The following ZMIZ1 variants were observed in gnomAD, a reference collection of about 807,000 sequenced individuals.
ZMIZ1 encodes zinc finger MIZ domain-containing protein 1.
ZMIZ1 carries 17 observed loss-of-function variants against 113.9 expected under a neutral mutation model. The ratio of observed to expected loss-of-function variants is 0.15; its 90% confidence interval spans 0.10 to 0.22. The LOEUF (loss-of-function observed/expected upper bound fraction) is 0.22. Among genes scored for constraint, ZMIZ1 ranks in the 10% least tolerant of loss-of-function variants. The pLI, the probability that ZMIZ1 is intolerant of heterozygous loss-of-function variation, is 1.00. For synonymous variants in ZMIZ1, 607 were observed against 603.1 expected (o/e 1.01, Z -0.09); for missense variants, 1,059 against 1,477.8 (o/e 0.72, Z 4.65).
At chr10:79,117,952 TC>T (rs1364482748) in intron 1 of ZMIZ1, among the ~76,000 whole-genome samples, 1 of 152,196 alleles carries the variant, frequency 6.6e-6, no homozygotes, top group Non-Finnish European at 1.5e-5. Flanking sequence ...CTTCTCCTTT[TC>T]CCAGCAGCTG....
chr10:79,289,966 C>T, intron 9 of ZMIZ1, 77 bp downstream of exon 9: 1 of 1,395,188 alleles, frequency 7.2e-7, no homozygotes. Context: ...CATACCAGCC[C>T]TCTTCACCCT....
chr10:79,306,143 C>A lies in ZMIZ1; in HGVS notation c.2467C>A (p.Arg823=). 6.2e-7 allele frequency: 1 copy of A among 1,613,884 alleles called. No individual in the cohort carries two copies. Among genetic ancestry groups the A allele is most frequent in the Non-Finnish European group, 8.5e-7 (1 of 1,180,008 alleles). ...CACCATCGATCCCACGTGCAGCTGG[C>A]GGCCGGTGCCCATCAAGTCGGACTT... ...EVTIDPTCSW[R]PVPIKSDLHI... The change falls in exon 22 of 25, where the codon CGG becomes AGG. Residue 823 remains arginine (R), a synonymous_variant. Transcript: ENST00000334512.
Position 79,296,080 on chromosome 10 carries a change from T to A in ZMIZ1, c.1231-391T>A. The stretch of plus-strand genomic sequence containing the variant: ...GGCTCCTTTCTGGAATTGCATCCTG[T>A]TGACTGTGTTCCTCTGTCACATTGG... On this transcript the variant is annotated intron_variant, in intron 12 of 24. Transcript: ENST00000334512. This position sits in a 1 kb window ranked among gnomAD's most constrained non-coding sequence, Gnocchi z 4.1. The A allele has an allele frequency of 4.3e-6, 1 of 232,764 alleles. No individual in the cohort carries two copies. The highest frequency in any genetic ancestry group is 5.5e-5 in the South Asian group (1 of 18,328). 14.4% of individuals were successfully genotyped at this position (232,764 alleles called of 1,614,324 possible). A position where few individuals can be genotyped will look rare whatever the true frequency, so the allele number is the denominator to read the frequency against.
At chr10:79,125,392 G>C (rs1205820645) in intron 2 of ZMIZ1, among the ~76,000 whole-genome samples, 1 of 152,194 alleles carries the variant, frequency 6.6e-6, no homozygotes, top group Non-Finnish European at 1.5e-5. Flanking sequence ...TCCCAAGAGA[G>C]GTAGGTCTGG....
chr10:79,080,042 G>T (rs550564289), intron 1 of ZMIZ1, among the ~76,000 whole-genome samples: 1 of 152,196 alleles, frequency 6.6e-6, no homozygotes, highest in Non-Finnish European at 1.5e-5. Context: ...GCTGTTGGTG[G>T]GGAGAGGCAG....
chr10:79,113,553 G>T (rs570130187), intron 1 of ZMIZ1, among the ~76,000 whole-genome samples: 1 of 152,212 alleles, frequency 6.6e-6, no homozygotes, highest in Non-Finnish European at 1.5e-5. Context: ...TCCACTTTAT[G>T]TGCCCAGGCC....
chr10:79,289,217 C>A (rs1853301457), intron 8 of ZMIZ1, among the ~76,000 whole-genome samples: 1 of 152,018 alleles, frequency 6.6e-6, no homozygotes, highest in African/African-American at 2.4e-5. Flanking sequence ...AGGCCTGTAC[C>A]CACATTGCTG....
At chr10:79,282,383 G>A (rs562130994) in intron 8 of ZMIZ1, among the ~76,000 whole-genome samples, 2 of 152,328 alleles carry the variant, frequency 1.3e-5, no homozygotes, top group Admixed American at 1.3e-4. Context: ...CTGGCTGTTT[G>A]AAGGCTCTGG....
intron 3 of ZMIZ1, among the ~76,000 whole-genome samples, chr10:79,156,749 G>A (rs1157566526): frequency 6.6e-6 from 1 of 152,146 alleles, no homozygotes; most frequent in African/African-American, 2.4e-5. Context: ...AGGACTTCCC[G>A]CAGACCCCAA....
intron 1 of ZMIZ1, among the ~76,000 whole-genome samples, chr10:79,070,593 C>A (rs570246541): frequency 6.6e-6 from 1 of 152,260 alleles, no homozygotes; most frequent in African/African-American, 2.4e-5. Context: ...CAGCCCTACC[C>A]CTCTACCTGC....
At chr10:79,272,804 C>T (rs1183625648) in intron 7 of ZMIZ1, among the ~76,000 whole-genome samples, 10 of 152,198 alleles carry the variant, frequency 6.6e-5, no homozygotes, top group South Asian at 2.1e-4. Context: ...TTACGTTTTA[C>T]GCTGAGACAT....
chr10:79,307,289 A>T, intron 22 of ZMIZ1, 116 bp from the exon 23 acceptor site: 2 of 1,072,962 alleles, frequency 1.9e-6, no homozygotes, highest in Non-Finnish European at 2.7e-6. Context: ...GTGACCTACT[A>T]CAGCCTCGCA....
intron 4 of ZMIZ1, among the ~76,000 whole-genome samples, chr10:79,170,620 G>A (rs1345147121): frequency 6.6e-6 from 1 of 152,232 alleles, no homozygotes; most frequent in Non-Finnish European, 1.5e-5. Context: ...TAGGGCGGAG[G>A]CCAGAGTGGG....
intron 22 of ZMIZ1, among the ~76,000 whole-genome samples, chr10:79,306,811 C>T (rs1426780228): frequency 6.6e-6 from 1 of 152,166 alleles, no homozygotes; most frequent in African/African-American, 2.4e-5. Flanking sequence ...GCAGCTCCCC[C>T]TGGGATCCGT....
intron 5 of ZMIZ1, among the ~76,000 whole-genome samples, chr10:79,204,124 C>G (rs1315681635): frequency 2.0e-5 from 3 of 152,226 alleles, no homozygotes; most frequent in Non-Finnish European, 4.4e-5. Flanking sequence ...GTAACCTAAT[C>G]AGAAGAGAAA....
In ZMIZ1 at chr10:79,069,177, C is replaced by A. The variant is rs1429415362; in HGVS notation, c.-430C>A. The A allele has an allele frequency of 6.7e-6, 1 of 150,150 alleles. No individual in the cohort carries two copies. Among genetic ancestry groups the A allele is most frequent in the African/African-American group, 2.4e-5 (1 of 41,070 alleles). The allele number at this position is 150,150 out of a possible 1,614,324, so 9.3% of individuals were successfully genotyped here. On this transcript the variant is annotated 5_prime_UTR_variant, in exon 1 of 25. Coordinates refer to ENST00000334512, the MANE Select transcript of ZMIZ1 (RefSeq NM_020338.4). The surrounding 1 kb of genome is among the most constrained non-coding windows in gnomAD (Gnocchi z 4.6). ...GGAGCCGGAGCCGAGCGGATCTCGG[C>A]GCCCTCGCTGCGCTCCTCCCGGCCC...
intron 11 of ZMIZ1, 167 bp from the exon 12 acceptor site, chr10:79,293,214 A>C (rs1295195396): frequency 1.5e-6 from 1 of 647,982 alleles, no homozygotes; most frequent in South Asian, 1.9e-5. Flanking sequence ...GCCTGGGTGG[A>C]TCCTGCTCCC....
chr10:79,095,262 A>G (rs563208979), intron 1 of ZMIZ1, among the ~76,000 whole-genome samples: 81 of 152,254 alleles, frequency 5.3e-4, no homozygotes, highest in Non-Finnish European at 1.1e-3. Flanking sequence ...GAATGCTCAT[A>G]AATCAGTCAT....
At chr10:79,298,269 GA>G (rs1448792108) in intron 14 of ZMIZ1, 136 bp from the exon 15 acceptor site, 31 of 977,762 alleles carry the variant, frequency 3.2e-5, no homozygotes, top group Non-Finnish European at 4.2e-5. Flanking sequence ...CGAGAGAGAA[GA>G]GTTTCCCTGG....
Sources: allele counts gnomAD v4.1 joint callset (sites outside exome capture counted in the v4.1 genomes callset), GRCh38; gene constraint gnomAD v4.1.1; non-coding constraint Gnocchi (gnomAD v3.1); transcripts MANE v1.5; gene names NCBI Gene and HGNC (gene_info 2026-07-23, HGNC 2026-07-21).